KAT6B: variants seen among roughly 807,000 people sequenced by gnomAD.
KAT6B encodes lysine acetyltransferase 6B, also known as histone acetyltransferase KAT6B.
A neutral mutation model predicts 187.5 loss-of-function variants in KAT6B; 10 were observed. That is an observed-to-expected ratio of 0.05 (90% CI 0.03 to 0.09). The LOEUF (loss-of-function observed/expected upper bound fraction) is 0.09, where lower values mean the gene tolerates loss of function less well. Among genes scored for constraint, KAT6B ranks in the 10% least tolerant of loss-of-function variants. The pLI is 1.00. For synonymous variants in KAT6B, 861 were observed against 926.8 expected, an observed-to-expected ratio of 0.93 and a Z score of 1.29; for missense variants, 1,952 against 2,558.9, an observed-to-expected ratio of 0.76 and a Z score of 5.12.
intron 13 of KAT6B, among the ~76,000 whole-genome samples, chr10:75,012,085 T>C (rs1844646357): frequency 6.6e-6 from 1 of 152,172 alleles, no homozygotes; most frequent in African/African-American, 2.4e-5. Context: ...TCTGTGGCTT[T>C]TTAAAGCCCC....
rs1343054283 is a variant in KAT6B at position 74,981,808 on chromosome 10, T to C, written c.2253T>C (p.Cys751=). ...EYARLPKLYL[C]EFCLKYMKSK... ...ACAGATTACCAAAGCTTTACCTGTG[T>C]GAATTCTGTCTTAAATATATGAAAA... is the stretch of plus-strand genomic sequence containing the variant. The change falls in exon 11 of 18, where the codon TGT becomes TGC. Residue 751 remains cysteine, a synonymous_variant. Transcript: ENST00000287239. The C allele has an allele frequency of 6.5e-7, 1 of 1,550,334 alleles. No homozygotes were observed. The highest frequency in any genetic ancestry group is 1.1e-5 in the South Asian group (1 of 89,670).
At chr10:74,826,050 G>A (rs1840180484), upstream of KAT6B, among the ~76,000 whole-genome samples, 1 of 151,488 alleles carries the variant, frequency 6.6e-6, no homozygotes. Context: ...CCGCCCGCGC[G>A]CGCCCGCCCG....
chr10:74,881,720 C>T (rs1298504989), intron 3 of KAT6B, among the ~76,000 whole-genome samples: 4 of 152,118 alleles, frequency 2.6e-5, no homozygotes, highest in African/African-American at 4.8e-5. Context: ...GTGGTGTAAT[C>T]GTAGTTCACT....
At position 74,997,249 on chromosome 10, in the gene KAT6B, C is replaced by T. The variant is rs897664934; in HGVS notation, c.2629+8137C>T. ...TTCTCCCCACCCCCCCATTCCCCTC[C>T]TTCTCTCGTCTCTCAATAAATACAT... is the stretch of plus-strand genomic sequence containing the variant. On this transcript the variant is annotated intron_variant, in intron 13 of 17. Transcript: ENST00000287239. Among the ~76,000 whole-genome samples, 6 of 149,236 alleles carry T rather than the reference C, an allele frequency of 4.0e-5. No homozygotes were observed. In the East Asian group the frequency reaches 7.9e-4, roughly 20 times the overall value.
chr10:74,911,709 A>G (rs1337253081), intron 3 of KAT6B, among the ~76,000 whole-genome samples: 2 of 152,182 alleles, frequency 1.3e-5, no homozygotes, highest in East Asian at 1.9e-4. Flanking sequence ...TTTTATATCT[A>G]TGTCAAGTTA....
chr10:75,005,254 G>C (rs1397379045), intron 13 of KAT6B, among the ~76,000 whole-genome samples: 1 of 146,624 alleles, frequency 6.8e-6, no homozygotes, highest in African/African-American at 2.6e-5. Flanking sequence ...GTCTTGCTCT[G>C]TTGCCCAGGC....
chr10:74,941,594 A>G (rs1395899488), intron 3 of KAT6B, among the ~76,000 whole-genome samples: 1 of 152,160 alleles, frequency 6.6e-6, no homozygotes, highest in Non-Finnish European at 1.5e-5. Flanking sequence ...GGAAAGCCCA[A>G]ATTACCACCA....
chr10:74,965,534 G>A (rs1811791413), intron 4 of KAT6B, among the ~76,000 whole-genome samples: 1 of 152,168 alleles, frequency 6.6e-6, no homozygotes, highest in Non-Finnish European at 1.5e-5. Flanking sequence ...GCCAGTCTGA[G>A]GGGCTTAGTG....
intron 3 of KAT6B, among the ~76,000 whole-genome samples, chr10:74,846,182 A>G (rs766344064): frequency 2.0e-5 from 3 of 151,580 alleles, no homozygotes; most frequent in Non-Finnish European, 4.4e-5. Context: ...TTTGTTAACT[A>G]TATTTTTATT....
chr10:74,994,252 C>T (rs1843282811), intron 13 of KAT6B, among the ~76,000 whole-genome samples: 1 of 152,048 alleles, frequency 6.6e-6, no homozygotes, highest in Non-Finnish European at 1.5e-5. Flanking sequence ...TATAACCTGT[C>T]ATTACCATGA....
intron 6 of KAT6B, among the ~76,000 whole-genome samples, chr10:74,970,357 A>ATC (rs1370345550): frequency 6.6e-6 from 1 of 152,000 alleles, no homozygotes; most frequent in Non-Finnish European, 1.5e-5. Context: ...TGAAAAGACC[A>ATC]TCTCTCTCTC....
chr10:74,955,010 G>A (rs1364572302), intron 3 of KAT6B, among the ~76,000 whole-genome samples: 1 of 152,036 alleles, frequency 6.6e-6, no homozygotes, highest in Non-Finnish European at 1.5e-5. Context: ...TGGGGGATTG[G>A]GTACAGGACC....
chr10:75,007,544 A>G (rs1042994136), intron 13 of KAT6B, among the ~76,000 whole-genome samples: 4 of 152,152 alleles, frequency 2.6e-5, no homozygotes, highest in Non-Finnish European at 5.9e-5. Flanking sequence ...ATTATTGTGA[A>G]AGTCAGGATA....
intron 3 of KAT6B, among the ~76,000 whole-genome samples, chr10:74,908,915 A>G (rs1235434483): frequency 6.6e-6 from 1 of 152,124 alleles, no homozygotes; most frequent in Non-Finnish European, 1.5e-5. Context: ...CCCTGAATCA[A>G]CTGTGAATTG....
In KAT6B at chr10:74,976,326, T is replaced by C. The variant is rs1842158899; in HGVS notation, c.1989T>C (p.Asp663=). Residue 663 remains aspartate, a synonymous_variant, in exon 8 of 18, where the codon GAT becomes GAC. Transcript: ENST00000287239. ...LTDGRIKPDQ[D]DDTEIKINIK... ...ACGGAAGGATTAAACCTGATCAGGATGATGGTAAGCAAAAGGTCAAAGCTC... is the reference window on the plus strand; with the variant it reads ...ACGGAAGGATTAAACCTGATCAGGACGATGGTAAGCAAAAGGTCAAAGCTC... 5.6e-6 allele frequency: 9 copies of C among 1,612,152 alleles called. No individual in the cohort carries two copies. Among genetic ancestry groups the C allele is most frequent in the Non-Finnish European group, 7.6e-6 (9 of 1,179,776 alleles).
chr10:74,956,505 TTAG>T (rs1324408832), intron 3 of KAT6B, among the ~76,000 whole-genome samples: 5 of 152,154 alleles, frequency 3.3e-5, no homozygotes, highest in African/African-American at 1.2e-4. Context: ...TATGAACACA[TTAG>T]TAAAGAGTTA....
upstream of KAT6B, among the ~76,000 whole-genome samples, chr10:74,826,388 AG>A (rs144274617): frequency 0.025 from 3,740 of 151,744 alleles, 157 homozygotes; most frequent in African/African-American, 0.085. Flanking sequence ...GTGGTGCCGG[AG>A]GGGGGGATGA....
intron 3 of KAT6B, among the ~76,000 whole-genome samples, chr10:74,900,830 G>T (rs1396894178): frequency 6.6e-5 from 10 of 152,140 alleles, no homozygotes; most frequent in Admixed American, 5.9e-4. Flanking sequence ...TGGGGGAGTG[G>T]GGGTTAAACA....
rs1245630656 is a variant in KAT6B, at chr10:75,030,081, G to T, written c.5257G>T (p.Gly1753Cys). ...GACCTGCAGCGTCAAGTCTCCTCAA[G>T]GCTGTGTGGTGGAGAGGCCTCCGAG... ...PPTCSVKSPQ[G>C]CVVERPPSSS... The change falls in exon 18 of 18, where the codon GGC becomes TGC. Residue 1753 changes from glycine to cysteine, a missense_variant. By Grantham distance (159) the Gly-to-Cys change is radical. Coordinates refer to ENST00000287239, the MANE Select transcript of KAT6B (RefSeq NM_012330.4). This position sits in a 1 kb window ranked among gnomAD's most constrained non-coding sequence, Gnocchi z 4.8. The T allele has an allele frequency of 2.5e-6, 4 of 1,614,106 alleles. No individual in the cohort carries two copies. In the Admixed American group the frequency reaches 6.7e-5, roughly 27 times the overall value.
Sources: allele counts gnomAD v4.1 joint callset (sites outside exome capture counted in the v4.1 genomes callset), GRCh38; gene constraint gnomAD v4.1.1; non-coding constraint Gnocchi (gnomAD v3.1); transcripts MANE v1.5; gene names NCBI Gene and HGNC (gene_info 2026-07-23, HGNC 2026-07-21).